SLFN12L: variants seen among roughly 807,000 people sequenced by gnomAD.
The protein encoded by SLFN12L is schlafen family member 12-like.
SLFN12L carries 34 observed loss-of-function variants against 34.8 expected under a neutral mutation model. The observed-to-expected ratio is 0.98, with a 90% CI of 0.74 to 1.30. The LOEUF is 1.30. Ranked by LOEUF, SLFN12L falls within the 50% of genes most tolerant of loss-of-function variation. The pLI is 0.00. For synonymous variants in SLFN12L, 259 were observed against 247.5 expected, an observed-to-expected ratio of 1.05 and a Z score of -0.44; for missense variants, 703 against 696.2, an observed-to-expected ratio of 1.01 and a Z score of -0.11.
At chr17:35,534,374 AG>A (rs2142181543) in intron 1 of SLFN12L, among the ~76,000 whole-genome samples, 1 of 152,362 alleles carries the variant, frequency 6.6e-6, no homozygotes, top group East Asian at 1.9e-4. Flanking sequence ...AAAAACAAAA[AG>A]TAATGGGAAG....
intron 4 of SLFN12L, among the ~76,000 whole-genome samples, chr17:35,476,730 A>G (rs1247813002): frequency 6.6e-6 from 1 of 152,106 alleles, no homozygotes; most frequent in Non-Finnish European, 1.5e-5. Flanking sequence ...CTATACCTAG[A>G]AAAGCATAAA....
rs991113996 is a variant in SLFN12L, at chr17:35,480,974, T to G, written c.87-779A>C. On this transcript the variant is annotated intron_variant, in intron 2 of 4. Coordinates refer to ENST00000628453, the MANE Select transcript of SLFN12L (RefSeq NM_001363830.2). The stretch of plus-strand genomic sequence containing the variant: ...TATCATTAATCATTAGTTTGTGGTA[T>G]TATTATTCCAATATTATAATAATCT... Among the ~76,000 whole-genome samples, 4 of 152,322 alleles carry G rather than the reference T, an allele frequency of 2.6e-5. No homozygotes were observed. The East Asian group carries it at 7.7e-4, about 29-fold the overall frequency.
intron 2 of SLFN12L, chr17:35,490,539 G>T: frequency 1.2e-6 from 1 of 862,496 alleles, no homozygotes; most frequent in Non-Finnish European, 2.0e-6. Context: ...ATAACGTCCA[G>T]TGGATGGGTT....
intron 2 of SLFN12L, among the ~76,000 whole-genome samples, chr17:35,492,968 A>AAC (rs745926001): frequency 2.5e-4 from 17 of 68,474 alleles, no homozygotes; most frequent in African/African-American, 5.1e-4. Context: ...GGAAAAAAAA[A>AAC]ACACACACAC....
At chr17:35,504,461 T>A (rs1915400738) in intron 2 of SLFN12L, among the ~76,000 whole-genome samples, 1 of 152,226 alleles carries the variant, frequency 6.6e-6, no homozygotes, top group African/African-American at 2.4e-5. Flanking sequence ...AAGATGCAAA[T>A]GCCTGGTTGA....
chr17:35,511,722 C>T (rs8077177), intron 2 of SLFN12L, among the ~76,000 whole-genome samples: 18,084 of 152,072 alleles, frequency 0.12, 1,843 homozygotes, highest in African/African-American at 0.27. Context: ...GCACTCCAGC[C>T]TGGGCAACAA....
chr17:35,519,462 A>G (rs924115788), intron 2 of SLFN12L, among the ~76,000 whole-genome samples: 1 of 152,242 alleles, frequency 6.6e-6, no homozygotes, highest in Non-Finnish European at 1.5e-5. Context: ...ATAAATACCT[A>G]TAAGTTCATT....
rs368553081 is a variant in SLFN12L, at chr17:35,470,880, C to A, written c.*4043G>T. Among the ~76,000 whole-genome samples the A allele has an allele frequency of 7.4e-4, 113 of 151,924 alleles. No homozygotes were observed. The highest frequency in any genetic ancestry group is 2.5e-3 in the African/African-American group (104 of 41,404). On this transcript the variant is annotated 3_prime_UTR_variant, in exon 5 of 5. Coordinates refer to ENST00000628453, the MANE Select transcript of SLFN12L (RefSeq NM_001363830.2). ...CCTGTGTCCATGTGTTCTCATTGTTCAGCTCCCACTTATGAGTGAGAACAT... is the reference window on the plus strand; with the variant it reads ...CCTGTGTCCATGTGTTCTCATTGTTAAGCTCCCACTTATGAGTGAGAACAT...
chr17:35,514,981 A>G (rs2142162117), intron 2 of SLFN12L: 1 of 469,900 alleles, frequency 2.1e-6, no homozygotes, highest in East Asian at 5.6e-5. Context: ...TCTTCCAGGA[A>G]GAATTTCTGG....
intron 2 of SLFN12L, among the ~76,000 whole-genome samples, chr17:35,514,179 G>C (rs116099725): frequency 0.016 from 2,447 of 152,292 alleles, 84 homozygotes; most frequent in African/African-American, 0.055. Context: ...TAAATGCAAG[G>C]AGATAATTGC....
chr17:35,495,092 GT>G (rs1914998916), intron 2 of SLFN12L, among the ~76,000 whole-genome samples: 1 of 151,950 alleles, frequency 6.6e-6, no homozygotes, highest in Non-Finnish European at 1.5e-5. Context: ...TAGAGAGGGG[GT>G]TTTGCTATGT....
intron 2 of SLFN12L, among the ~76,000 whole-genome samples, chr17:35,499,435 C>T (rs1915214790): frequency 6.6e-6 from 1 of 152,124 alleles, no homozygotes; most frequent in Admixed American, 6.5e-5. Flanking sequence ...GGATAACAAC[C>T]CTAAGCCTAA....
intron 1 of SLFN12L, among the ~76,000 whole-genome samples, 159 bp downstream of exon 1, chr17:35,537,414 A>C (rs2072472699): frequency 6.6e-6 from 1 of 152,184 alleles, no homozygotes; most frequent in African/African-American, 2.4e-5. Context: ...TGTAGACCTA[A>C]AGTGTCTACT....
At chr17:35,485,453 A>G (rs960041055) in intron 2 of SLFN12L, among the ~76,000 whole-genome samples, 3 of 152,084 alleles carry the variant, frequency 2.0e-5, no homozygotes, top group Non-Finnish European at 4.4e-5. Flanking sequence ...ACTTGCAAAC[A>G]TTTTCTCCCA....
intron 2 of SLFN12L, chr17:35,490,585 T>C: frequency 2.5e-6 from 2 of 809,894 alleles, no homozygotes; most frequent in Non-Finnish European, 4.4e-6. Context: ...GCTGACCCAG[T>C]GTCAAGGCCT....
chr17:35,517,289 C>T (rs371465715), intron 2 of SLFN12L, among the ~76,000 whole-genome samples: 5 of 152,126 alleles, frequency 3.3e-5, no homozygotes, highest in African/African-American at 9.7e-5. Flanking sequence ...CATGAGTGAA[C>T]TCCCATTCAC....
In SLFN12L at chr17:35,480,191, C is replaced by T. The variant is rs1339081288; in HGVS notation, c.91G>A (p.Glu31Lys). ...SQFLRNFIRK[E>K]FLRGNGLAAG... ...GCTAAGCCATTTCCACGCAGAAATTCTTTTCTGTAAAATAGAGCCGTTAGA... is the reference window on the plus strand; with the variant it reads ...GCTAAGCCATTTCCACGCAGAAATTTTTTTCTGTAAAATAGAGCCGTTAGA... The change falls in exon 3 of 5, where the codon GAA becomes AAA. Residue 31 changes from glutamate to lysine, a missense_variant. Coordinates refer to ENST00000628453, the MANE Select transcript of SLFN12L (RefSeq NM_001363830.2). The T allele has an allele frequency of 6.3e-6, 10 of 1,576,368 alleles. No homozygotes were observed. The highest frequency in any genetic ancestry group is 8.6e-6 in the Non-Finnish European group (10 of 1,162,510).
chr17:35,515,269 C>A, intron 2 of SLFN12L: 1 of 414,850 alleles, frequency 2.4e-6, no homozygotes. Flanking sequence ...CACAGGGAGC[C>A]GCTCAGACCC....
At chr17:35,494,571 G>A (rs1214164804) in intron 2 of SLFN12L, among the ~76,000 whole-genome samples, 1 of 152,212 alleles carries the variant, frequency 6.6e-6, no homozygotes, top group African/African-American at 2.4e-5. Flanking sequence ...ACACAGAGCT[G>A]AAGAACCCTG....
Sources: gnomAD v4.1 joint callset for allele counts (sites outside exome capture counted in the v4.1 genomes callset) on GRCh38, gnomAD v4.1.1 for gene constraint, MANE v1.5 for transcripts, NCBI Gene and HGNC (gene_info 2026-07-23, HGNC 2026-07-21) for gene names.